SCN10A: variants seen among roughly 807,000 people sequenced by gnomAD.
SCN10A encodes sodium voltage-gated channel alpha subunit 10.
A neutral mutation model predicts 170.7 loss-of-function variants in SCN10A; 162 were observed. The observed-to-expected ratio is 0.95, with a 90% CI of 0.84 to 1.08. The LOEUF (loss-of-function observed/expected upper bound fraction) is 1.08. SCN10A is among the 50% of genes least tolerant of loss of function. The pLI is 0.00. For missense variants in SCN10A, 2,527 were observed against 2,436.9 expected, an observed-to-expected ratio of 1.04 and a Z score of -0.78; for synonymous variants, 985 against 904.6, an observed-to-expected ratio of 1.09 and a Z score of -1.59.
chr3:38,775,348 G>A (rs1283980786), intron 4 of SCN10A, among the ~76,000 whole-genome samples: 3 of 152,080 alleles, frequency 2.0e-5, no homozygotes, highest in Non-Finnish European at 4.4e-5. Flanking sequence ...GTTCTTTTGC[G>A]TTTGAGTTAT....
chr3:38,776,166 A>G (rs1162288112), intron 4 of SCN10A, among the ~76,000 whole-genome samples: 1 of 152,060 alleles, frequency 6.6e-6, no homozygotes, highest in African/African-American at 2.4e-5. Context: ...AATTATCATT[A>G]TTCATTGTCA....
intron 19 of SCN10A, 26 bp downstream of exon 19, chr3:38,723,404 G>A (rs746365474): frequency 8.0e-5 from 129 of 1,613,766 alleles, no homozygotes; most frequent in Non-Finnish European, 1.0e-4. Flanking sequence ...ACATCAGTGT[G>A]AGGGGGCCTG....
At chr3:38,807,988 A>T (rs748124549) in intron 1 of SCN10A, among the ~76,000 whole-genome samples, 12 of 152,040 alleles carry the variant, frequency 7.9e-5, no homozygotes, top group Non-Finnish European at 1.8e-4. Context: ...TAAAACTGCA[A>T]ATCTGATCAT....
chr3:38,785,244 A>C (rs1282034470), intron 4 of SCN10A, among the ~76,000 whole-genome samples: 1 of 152,206 alleles, frequency 6.6e-6, no homozygotes, highest in East Asian at 1.9e-4. Flanking sequence ...CTACAAAGCT[A>C]CAGTAACCAA....
chr3:38,805,498 G>T (rs530734199), intron 1 of SCN10A, among the ~76,000 whole-genome samples: 2 of 152,142 alleles, frequency 1.3e-5, no homozygotes, highest in African/African-American at 2.4e-5. Context: ...TTGTCTCCAA[G>T]ATGTAAGCAT....
At chr3:38,708,990 G>A (rs1313033006) in intron 25 of SCN10A, among the ~76,000 whole-genome samples, 1 of 152,226 alleles carries the variant, frequency 6.6e-6, no homozygotes, top group African/African-American at 2.4e-5. Flanking sequence ...AAACATGAGA[G>A]GTTATCTGGG....
rs550639468 is a variant in SCN10A, at chr3:38,788,623, G to C, written c.470+333C>G. On this transcript the variant is annotated intron_variant, in intron 4 of 27. Coordinates refer to ENST00000449082, the MANE Select transcript of SCN10A (RefSeq NM_006514.4). ...AGGTGAGTGAGTGTGTGTGTGTTGG[G>C]GGGGGGTGGGGGCGAGGAGACTCAT... Among the ~76,000 whole-genome samples, 449 of 151,120 alleles carry C rather than the reference G, an allele frequency of 3.0e-3. 3 individuals are homozygous for C. Among genetic ancestry groups the C allele is most frequent in the South Asian group, 0.013 (62 of 4,738 alleles).
At chr3:38,789,814 G>A (rs1341745130) in intron 3 of SCN10A, among the ~76,000 whole-genome samples, 2 of 152,080 alleles carry the variant, frequency 1.3e-5, no homozygotes, top group East Asian at 3.9e-4. Context: ...GAAAATAGAA[G>A]GGAAGAAATG....
At chr3:38,744,786 A>G (rs1205029285) in intron 13 of SCN10A, among the ~76,000 whole-genome samples, 1 of 152,160 alleles carries the variant, frequency 6.6e-6, no homozygotes, top group Non-Finnish European at 1.5e-5. Flanking sequence ...CATTTTCCCA[A>G]GATTTGAAAT....
chr3:38,713,870 C>T lies in SCN10A; in HGVS notation c.3804+88G>A, dbSNP rs79065817. On this transcript the variant is annotated intron_variant, in intron 22 of 27. Coordinates refer to ENST00000449082, the MANE Select transcript of SCN10A (RefSeq NM_006514.4). ...TTTGAACTCCTAACCTCAGGTGATC[C>T]GCCCGCCTCAGCCTCCCAAAGTGCT... 3,672 of 1,535,370 alleles carry T rather than the reference C, an allele frequency of 2.4e-3. 122 individuals carry two copies. The East Asian group carries it at 0.075, about 31-fold the overall frequency.
intron 18 of SCN10A, 122 bp downstream of exon 18, chr3:38,725,052 A>T: frequency 1.2e-6 from 1 of 843,928 alleles, no homozygotes; most frequent in African/African-American, 1.7e-5. Flanking sequence ...ATAAGAAATG[A>T]GGTTATGTGA....
intron 1 of SCN10A, among the ~76,000 whole-genome samples, chr3:38,801,015 G>C (rs955402807): frequency 2.0e-5 from 3 of 152,134 alleles, no homozygotes; most frequent in African/African-American, 7.2e-5. Context: ...CCTATGTTCT[G>C]GGAGAACCAG....
At chr3:38,772,109 T>G (rs2064007721) in intron 4 of SCN10A, among the ~76,000 whole-genome samples, 1 of 152,088 alleles carries the variant, frequency 6.6e-6, no homozygotes, top group African/African-American at 2.4e-5. Context: ...GGGAAACAGT[T>G]GCATACTGAA....
At chr3:38,732,403 C>T (rs138522956) in intron 15 of SCN10A, among the ~76,000 whole-genome samples, 91 of 152,312 alleles carry the variant, frequency 6.0e-4, no homozygotes, top group African/African-American at 2.0e-3. Flanking sequence ...ATCCTTGAGG[C>T]GCTACTTGAA....
chr3:38,719,555 G>A (rs867261028), intron 20 of SCN10A, among the ~76,000 whole-genome samples: 15 of 151,460 alleles, frequency 9.9e-5, no homozygotes, highest in Non-Finnish European at 1.9e-4. Context: ...CACTACGCCC[G>A]GCTAATTTTT....
intron 26 of SCN10A, among the ~76,000 whole-genome samples, chr3:38,706,725 C>T (rs1156891924): frequency 6.6e-6 from 1 of 152,174 alleles, no homozygotes; most frequent in African/African-American, 2.4e-5. Flanking sequence ...AGGAGTGAAA[C>T]TAGAGTCTGG....
At chr3:38,736,973 T>TGTTTG (rs58792349) in intron 15 of SCN10A, among the ~76,000 whole-genome samples, 7 of 100,222 alleles carry the variant, frequency 7.0e-5, no homozygotes, top group African/African-American at 2.4e-4. Context: ...GTTTTTTTTT[T>TGTTTG]TTTTTTTTTT....
chr3:38,712,702 A>G (rs1214319854), intron 22 of SCN10A, among the ~76,000 whole-genome samples: 7 of 152,246 alleles, frequency 4.6e-5, no homozygotes, highest in Non-Finnish European at 1.0e-4. Context: ...GTTTACAAGC[A>G]TACTGCACTC....
At chr3:38,699,257 A>G (rs1459826242) in intron 27 of SCN10A, among the ~76,000 whole-genome samples, 5 of 132,846 alleles carry the variant, frequency 3.8e-5, no homozygotes, top group Non-Finnish European at 7.9e-5. Flanking sequence ...GGGCCTGGAG[A>G]TAGGTTTTTT....
Sources: allele counts gnomAD v4.1 joint callset (sites outside exome capture counted in the v4.1 genomes callset), GRCh38; gene constraint gnomAD v4.1.1; transcripts MANE v1.5; gene names NCBI Gene and HGNC (gene_info 2026-07-23, HGNC 2026-07-21).